Variants in SLC2A4 observed in about 807,000 individuals in gnomAD.
SLC2A4 encodes the protein solute carrier family 2, facilitated glucose transporter member 4.
Under a neutral mutation model 53.3 loss-of-function variants are expected in SLC2A4, and 31 were observed. The observed-to-expected ratio is 0.58, with a 90% CI of 0.44 to 0.78. The LOEUF (loss-of-function observed/expected upper bound fraction) is 0.78, where lower values mean the gene tolerates loss of function less well. SLC2A4 is among the 30% of genes least tolerant of loss of function. The pLI, the probability that SLC2A4 is intolerant of heterozygous loss-of-function variation, is 0.00. For synonymous variants in SLC2A4, 276 were observed against 281.9 expected, an observed-to-expected ratio of 0.98 and a Z score of 0.21; for missense variants, 538 against 655.7, an observed-to-expected ratio of 0.82 and a Z score of 1.96.
chr17:7,282,207 A>C lies in SLC2A4; in HGVS notation c.33+240A>C. 1 of 621,580 alleles carries C rather than the reference A, an allele frequency of 1.6e-6. No individual in the cohort carries two copies. Among genetic ancestry groups the C allele is most frequent in the Non-Finnish European group, 2.9e-6 (1 of 339,986 alleles). 38.5% of individuals were successfully genotyped at this position (621,580 alleles called of 1,614,324 possible). The stretch of plus-strand genomic sequence containing the variant: ...AGGCAGCAAGTGGATTCTGCGAGCC[A>C]GGGTTCACCCCCTTGCCTAGTAGGC... On this transcript the variant is annotated intron_variant, in intron 1 of 10. Coordinates refer to ENST00000317370, the MANE Select transcript of SLC2A4 (RefSeq NM_001042.3). This position sits in a 1 kb window ranked among gnomAD's most constrained non-coding sequence, Gnocchi z 4.1.
Position 7,285,632 on chromosome 17 carries a change from T to C in SLC2A4, c.1123-73T>C. 1 of 1,483,134 alleles carries C rather than the reference T, an allele frequency of 6.7e-7. No individual in the cohort carries two copies. Among genetic ancestry groups the C allele is most frequent in the Non-Finnish European group, 9.4e-7 (1 of 1,063,664 alleles). 91.9% of individuals were successfully genotyped at this position (1,483,134 alleles called of 1,614,324 possible). On this transcript the variant is annotated intron_variant, in intron 9 of 10. Transcript: ENST00000317370. This position sits in a 1 kb window ranked among gnomAD's most constrained non-coding sequence, Gnocchi z 6.0. ...GCTGCGGAGGGGGTTAGGTTTCACT[T>C]CTCTGAGTTGAGGGCAAGGGAAGAT...
At position 7,284,899 on chromosome 17, in the gene SLC2A4, T is replaced by C; in HGVS notation, c.980T>C (p.Ile327Thr). 5.0e-6 allele frequency: 8 copies of C among 1,614,144 alleles called. No homozygotes were observed. The highest frequency in any genetic ancestry group is 2.2e-5 in the South Asian group (2 of 91,082). ...AGVGQPAYAT[I>T]GAGVVNTVFT... ...GTAGGCCAGCCTGCCTATGCCACCA[T>C]AGGAGCTGGTGTGGTCAACACAGTC... The change falls in exon 8 of 11, where the codon ATA (isoleucine) becomes ACA (threonine). Residue 327 changes from isoleucine (I) to threonine (T), a missense_variant. Coordinates refer to ENST00000317370, the MANE Select transcript of SLC2A4 (RefSeq NM_001042.3). The surrounding 1 kb of genome is among the most constrained non-coding windows in gnomAD (Gnocchi z 7.5).
intron 10 of SLC2A4, 82 bp from the exon 11 acceptor site, chr17:7,286,344 G>A: frequency 1.8e-5 from 20 of 1,139,164 alleles, no homozygotes; most frequent in Non-Finnish European, 2.7e-5. Context: ...TCCCTATGAA[G>A]GCCTTTAGCT....
Position 7,284,028 on chromosome 17 carries a change from T to G in SLC2A4, c.503T>G (p.Leu168Arg). ...GTGGGGGAGATTGCTCCCACTCACC[T>G]GCGGGGCGCCCTGGGGACGCTCAAC... is the stretch of plus-strand genomic sequence containing the variant. ...MYVGEIAPTH[L>R]RGALGTLNQL... Residue 168 changes from leucine to arginine, a missense_variant, in exon 5 of 11, where the codon CTG (leucine) becomes CGG (arginine). Physicochemically the swap from Leu to Arg is moderately radical, Grantham distance 102. Transcript: ENST00000317370. The surrounding 1 kb of genome is among the most constrained non-coding windows in gnomAD (Gnocchi z 7.5). 3 of 1,613,986 alleles carry G rather than the reference T, an allele frequency of 1.9e-6. No individual in the cohort carries two copies. The highest frequency in any genetic ancestry group is 2.5e-6 in the Non-Finnish European group (3 of 1,179,954).
rs1041163053 is a variant in SLC2A4, at chr17:7,286,761, T to C, written c.*132T>C. The C allele has an allele frequency of 4.7e-6, 4 of 859,296 alleles. No homozygotes were observed. The East Asian group carries it at 9.9e-5, about 21-fold the overall frequency. The allele number at this position is 859,296 out of a possible 1,614,324, so 53.2% of individuals were successfully genotyped here. ...AAAGAATCCCTGCAGCCTGGTAGAATTGGGAAGCTGGGGGAAGGGTGGTCT... is the reference window on the plus strand; with the variant it reads ...AAAGAATCCCTGCAGCCTGGTAGAACTGGGAAGCTGGGGGAAGGGTGGTCT... On this transcript the variant is annotated 3_prime_UTR_variant, in exon 11 of 11. Transcript: ENST00000317370.
Position 7,283,945 on chromosome 17 carries a change from C to T in SLC2A4, c.449-29C>T, listed in dbSNP as rs759827543. 3.1e-6 allele frequency: 5 copies of T among 1,612,954 alleles called. No individual in the cohort carries two copies. The Admixed American group carries it at 8.3e-5, about 27-fold the overall frequency. On this transcript the variant is annotated intron_variant, in intron 4 of 10. Transcript: ENST00000317370. This position sits in a 1 kb window ranked among gnomAD's most constrained non-coding sequence, Gnocchi z 5.8. ...CTTTCAGATGGGAATGGACACCTGC[C>T]CTCAGCCCTCTCTTCTTCCCTCGCC...
Position 7,284,085 on chromosome 17 carries a change from C to T in SLC2A4, c.560C>T (p.Ala187Val), listed in dbSNP as rs756132595. 1.7e-5 allele frequency: 27 copies of T among 1,613,472 alleles called. No homozygotes were observed. Among genetic ancestry groups the T allele is most frequent in the Non-Finnish European group, 2.1e-5 (25 of 1,179,748 alleles). The change falls in exon 5 of 11, where the codon GCC becomes GTC. Residue 187 changes from alanine to valine, a missense_variant. Coordinates refer to ENST00000317370, the MANE Select transcript of SLC2A4 (RefSeq NM_001042.3). This position sits in a 1 kb window ranked among gnomAD's most constrained non-coding sequence, Gnocchi z 7.5. ...GCCATTGTTATCGGCATTCTGATCG[C>T]CCAGGTGACCGGAGCAAGCCTCATG... Reference protein sequence around the residue: ...QLAIVIGILIAQVLGLESLLG... With the variant: ...QLAIVIGILIVQVLGLESLLG...
rs911585454 is a variant in SLC2A4 at position 7,285,278 on chromosome 17, C to T, written c.1122+89C>T. ...GTGACCAGCCAGGGTCCCTTCTTAA[C>T]ACACATGCTTTCAATCCTGGCGCCA... On this transcript the variant is annotated intron_variant, in intron 9 of 10. Coordinates refer to ENST00000317370, the MANE Select transcript of SLC2A4 (RefSeq NM_001042.3). The surrounding 1 kb of genome is among the most constrained non-coding windows in gnomAD (Gnocchi z 6.0). 3.7e-6 allele frequency: 4 copies of T among 1,084,100 alleles called. No homozygotes were observed. Among genetic ancestry groups the T allele is most frequent in the East Asian group, 2.6e-5 (1 of 39,162 alleles). 67.2% of individuals were successfully genotyped at this position (1,084,100 alleles called of 1,614,324 possible). A position where few individuals can be genotyped will look rare whatever the true frequency, so the allele number is the denominator to read the frequency against.
chr17:7,281,965 GAAGTA>G lies in SLC2A4; in HGVS notation c.32_33+3del. On this transcript the variant is annotated splice_donor_variant and splice_donor_region_variant and coding_sequence_variant and intron_variant, in exon 1 of 11. Coordinates refer to ENST00000317370, the MANE Select transcript of SLC2A4 (RefSeq NM_001042.3). LOFTEE classifies it high-confidence loss of function. ...GTCGGGCTTCCAACAGATAGGCTCC[GAAGTA>G]GGATTCATCATGAGGGGGCGGGGCG... The G allele has an allele frequency of 1.2e-6, 1 of 829,574 alleles. No individual in the cohort carries two copies. The highest frequency in any genetic ancestry group is 1.9e-6 in the Non-Finnish European group (1 of 527,610). 51.4% of individuals were successfully genotyped at this position (829,574 alleles called of 1,614,324 possible). A position where few individuals can be genotyped will look rare whatever the true frequency, so the allele number is the denominator to read the frequency against.
In SLC2A4 at chr17:7,286,590, C is replaced by G; in HGVS notation, c.1491C>G (p.Ser497Arg). The part of the protein sequence containing the change: ...PSLLEQEVKP[S>R]TELEYLGPDE... Reference sequence around the variant, plus strand: ...TTTTAGAGCAGGAGGTGAAACCCAGCACAGAACTTGAGTATTTAGGGCCAG... The same window carrying G: ...TTTTAGAGCAGGAGGTGAAACCCAGGACAGAACTTGAGTATTTAGGGCCAG... Residue 497 changes from serine to arginine, a missense_variant, in exon 11 of 11, where the codon AGC becomes AGG. Coordinates refer to ENST00000317370, the MANE Select transcript of SLC2A4 (RefSeq NM_001042.3). 6.2e-7 allele frequency: 1 copy of G among 1,614,162 alleles called. No homozygotes were observed. Among genetic ancestry groups the G allele is most frequent in the African/African-American group, 1.3e-5 (1 of 75,032 alleles).
Position 7,281,881 on chromosome 17 carries a change from G to C in SLC2A4, c.-54G>C, listed in dbSNP as rs2072404780. 2 of 1,566,646 alleles carry C rather than the reference G, an allele frequency of 1.3e-6. No homozygotes were observed. Reference sequence around the variant, plus strand: ...CTCCAGGCCGGAGTCAGAGACTCCAGGATCGGTTCTTTCATCTTCGCCGCC... The same window carrying C: ...CTCCAGGCCGGAGTCAGAGACTCCACGATCGGTTCTTTCATCTTCGCCGCC... On this transcript the variant is annotated 5_prime_UTR_variant, in exon 1 of 11. Coordinates refer to ENST00000317370, the MANE Select transcript of SLC2A4 (RefSeq NM_001042.3).
chr17:7,283,431 A>C lies in SLC2A4; in HGVS notation c.151-42A>C, dbSNP rs774855149. 2 of 1,612,550 alleles carry C rather than the reference A, an allele frequency of 1.2e-6. No homozygotes were observed. On this transcript the variant is annotated intron_variant, in intron 2 of 10. Transcript: ENST00000317370. The surrounding 1 kb of genome is among the most constrained non-coding windows in gnomAD (Gnocchi z 5.8). ...GACAGGTGTCTCGGGGGTGGTGGAA[A>C]GGGGACGGTCTGCAGGAAATCTGTC...
chr17:7,285,029 C>T lies in SLC2A4; in HGVS notation c.1021-59C>T, dbSNP rs1383404193. 9.9e-6 allele frequency: 16 copies of T among 1,612,600 alleles called. No individual in the cohort carries two copies. Among genetic ancestry groups the T allele is most frequent in the East Asian group, 2.2e-5 (1 of 44,874 alleles). The stretch of plus-strand genomic sequence containing the variant: ...CTGCTCTTGGTTGCCCTCACCCACG[C>T]GGCCCCTCCTACTTCCCGTGCCCAA... On this transcript the variant is annotated intron_variant, in intron 8 of 10. Coordinates refer to ENST00000317370, the MANE Select transcript of SLC2A4 (RefSeq NM_001042.3). This position sits in a 1 kb window ranked among gnomAD's most constrained non-coding sequence, Gnocchi z 6.0.
chr17:7,285,957 T>A lies in SLC2A4; in HGVS notation c.1326+49T>A, dbSNP rs764269642. The A allele has an allele frequency of 1.3e-6, 2 of 1,542,918 alleles. No homozygotes were observed. The highest frequency in any genetic ancestry group is 8.9e-7 in the Non-Finnish European group (1 of 1,124,782). On this transcript the variant is annotated intron_variant, in intron 10 of 10. Coordinates refer to ENST00000317370, the MANE Select transcript of SLC2A4 (RefSeq NM_001042.3). This position sits in a 1 kb window ranked among gnomAD's most constrained non-coding sequence, Gnocchi z 6.0. ...CCACACCGTAGGCCAGAGGTGGGCA[T>A]CACACAGCTAGCCCACCTGCTTCCC...
In SLC2A4 at chr17:7,284,808, T is replaced by C. The variant is rs1222869805; in HGVS notation, c.916-27T>C. The C allele has an allele frequency of 1.2e-6, 2 of 1,613,846 alleles. No homozygotes were observed. The highest frequency in any genetic ancestry group is 1.3e-5 in the African/African-American group (1 of 75,036). On this transcript the variant is annotated intron_variant, in intron 7 of 10. Transcript: ENST00000317370. The surrounding 1 kb of genome is among the most constrained non-coding windows in gnomAD (Gnocchi z 7.5). ...AGTAGAGGAAGGGGCATTCCTGCCATCACTTCTTCTTCTCCCCCACCTCTA... is the reference window on the plus strand; with the variant it reads ...AGTAGAGGAAGGGGCATTCCTGCCACCACTTCTTCTTCTCCCCCACCTCTA...
chr17:7,283,209 A>T lies in SLC2A4; in HGVS notation c.34-36A>T. 6.4e-7 allele frequency: 1 copy of T among 1,553,718 alleles called. No homozygotes were observed. Among genetic ancestry groups the T allele is most frequent in the Non-Finnish European group, 8.9e-7 (1 of 1,125,102 alleles). ...GCGGAAGGAAAAAAATCATGGTTCC[A>T]TGTGACATGCTGTGTCTTTGTGTCT... On this transcript the variant is annotated intron_variant, in intron 1 of 10. Coordinates refer to ENST00000317370, the MANE Select transcript of SLC2A4 (RefSeq NM_001042.3). The surrounding 1 kb of genome is among the most constrained non-coding windows in gnomAD (Gnocchi z 5.8).
Position 7,282,044 on chromosome 17 carries a change from A to G in SLC2A4, c.33+77A>G. ...TTGGGCTGGGGTCGCGGTTGGGGTC[A>G]GCTGGGGGTGGTTCCTGCGCAGGCG... On this transcript the variant is annotated intron_variant, in intron 1 of 10. Transcript: ENST00000317370. This position sits in a 1 kb window ranked among gnomAD's most constrained non-coding sequence, Gnocchi z 4.1. The G allele has an allele frequency of 5.7e-6, 7 of 1,224,124 alleles. No homozygotes were observed. The highest frequency in any genetic ancestry group is 8.2e-6 in the Non-Finnish European group (7 of 848,534). The allele number at this position is 1,224,124 out of a possible 1,614,324, so 75.8% of individuals were successfully genotyped here. A position where few individuals can be genotyped will look rare whatever the true frequency, so the allele number is the denominator to read the frequency against.
intron 10 of SLC2A4, 180 bp downstream of exon 10, chr17:7,286,088 G>A (rs1318272301): frequency 3.2e-6 from 2 of 632,672 alleles, no homozygotes; most frequent in Non-Finnish European, 5.5e-6. Flanking sequence ...AGATTGGATA[G>A]TAACTGAGGT....
Position 7,286,479 on chromosome 17 carries a change from C to T in SLC2A4, c.1380C>T (p.Phe460=), listed in dbSNP as rs1186369423. 2 of 1,614,222 alleles carry T rather than the reference C, an allele frequency of 1.2e-6. No homozygotes were observed. Among genetic ancestry groups the T allele is most frequent in the Non-Finnish European group, 8.5e-7 (1 of 1,180,044 alleles). ...TATTTGCGGTCCTCCTGCTGGGCTT[C>T]TTCATCTTCACCTTCTTAAGAGTAC... is the stretch of plus-strand genomic sequence containing the variant. The part of the protein sequence containing the change: ...FLLFAVLLLG[F]FIFTFLRVPE... Residue 460 remains phenylalanine, a synonymous_variant, in exon 11 of 11, where the codon TTC becomes TTT. Coordinates refer to ENST00000317370, the MANE Select transcript of SLC2A4 (RefSeq NM_001042.3).
Sources: gnomAD v4.1 joint callset for allele counts on GRCh38, gnomAD v4.1.1 for gene constraint, Gnocchi (gnomAD v3.1) non-coding constraint, MANE v1.5 for transcripts, NCBI Gene and HGNC (gene_info 2026-07-23, HGNC 2026-07-21) for gene names.